The following PRKAA1 variants were observed in gnomAD, a reference collection of about 807,000 sequenced individuals.
PRKAA1 encodes 5'-AMP-activated protein kinase catalytic subunit alpha-1.
Under a neutral mutation model 56.9 loss-of-function variants are expected in PRKAA1, and 23 were observed. The ratio of observed to expected loss-of-function variants is 0.40; its 90% CI spans 0.29 to 0.57. The LOEUF (loss-of-function observed/expected upper bound fraction) is 0.57, where lower values mean the gene tolerates loss of function less well. Among genes scored for constraint, PRKAA1 ranks in the 20% least tolerant of loss-of-function variants. PRKAA1 has a pLI of 0.39. For missense variants in PRKAA1, 413 were observed against 679.7 expected, an observed-to-expected ratio of 0.61 and a Z score of 4.36; for synonymous variants, 226 against 227.0, an observed-to-expected ratio of 1.00 and a Z score of 0.04.
chr5:40,776,040 G>A (rs947970913), intron 2 of PRKAA1, among the ~76,000 whole-genome samples: 3 of 152,166 alleles, frequency 2.0e-5, no homozygotes, highest in African/African-American at 4.8e-5. Flanking sequence ...GCTATCGTAC[G>A]TTTTAAGCAG....
intron 5 of PRKAA1, among the ~76,000 whole-genome samples, chr5:40,768,161 C>T (rs534338994): frequency 2.0e-5 from 3 of 152,276 alleles, no homozygotes; most frequent in South Asian, 4.1e-4. Context: ...TTTTAAATCC[C>T]GTTTGCAGTG....
intron 1 of PRKAA1, among the ~76,000 whole-genome samples, chr5:40,786,050 T>C (rs1744469168): frequency 6.6e-6 from 1 of 151,798 alleles, no homozygotes; most frequent in Non-Finnish European, 1.5e-5. Flanking sequence ...AGGTCAGGAG[T>C]TCGAGACCAG....
chr5:40,770,634 C>G (rs1441715859), intron 4 of PRKAA1, among the ~76,000 whole-genome samples: 3 of 144,936 alleles, frequency 2.1e-5, no homozygotes, highest in Non-Finnish European at 4.5e-5. Context: ...TGTCTCACTC[C>G]GTCGCCCAGG....
intron 1 of PRKAA1, among the ~76,000 whole-genome samples, chr5:40,787,359 C>T (rs571640390): frequency 1.5e-3 from 231 of 151,526 alleles, no homozygotes; most frequent in South Asian, 3.6e-3. Context: ...CAGCTACTCA[C>T]GAGGCTGAGG....
chr5:40,785,300 C>G (rs879527699), intron 1 of PRKAA1, among the ~76,000 whole-genome samples: 1 of 151,978 alleles, frequency 6.6e-6, no homozygotes, highest in African/African-American at 2.4e-5. Flanking sequence ...AGTGCAATGG[C>G]ATGATCTCAG....
At chr5:40,790,610 G>T (rs1427065320) in intron 1 of PRKAA1, among the ~76,000 whole-genome samples, 2 of 151,292 alleles carry the variant, frequency 1.3e-5, no homozygotes, top group Non-Finnish European at 2.9e-5. Flanking sequence ...CACAATCTCG[G>T]CTCACTGCAA....
intron 1 of PRKAA1, among the ~76,000 whole-genome samples, chr5:40,787,360 G>A (rs540359337): frequency 1.3e-4 from 20 of 152,004 alleles, no homozygotes; most frequent in East Asian, 7.8e-4. Flanking sequence ...AGCTACTCAC[G>A]AGGCTGAGGC....
At position 40,793,872 on chromosome 5, in the gene PRKAA1, G is replaced by A. The variant is rs536318629; in HGVS notation, c.127+4191C>T. ...TCCCAGCACTTTGGGAGGCCGAGGCGGGTGGGATCACCTGAGGTCAGGAGT... is the reference window on the plus strand; with the variant it reads ...TCCCAGCACTTTGGGAGGCCGAGGCAGGTGGGATCACCTGAGGTCAGGAGT... On this transcript the variant is annotated intron_variant, in intron 1 of 8. Coordinates refer to ENST00000397128, the MANE Select transcript of PRKAA1 (RefSeq NM_006251.6). Among the ~76,000 whole-genome samples the A allele has an allele frequency of 2.6e-5, 4 of 152,204 alleles. No individual in the cohort carries two copies. The East Asian group carries it at 5.8e-4, about 22-fold the overall frequency.
Position 40,769,427 on chromosome 5 carries a change from T to G in PRKAA1, c.585A>C (p.Val195=), listed in dbSNP as rs368653327. The G allele has an allele frequency of 6.2e-7, 1 of 1,606,384 alleles. No individual in the cohort carries two copies. The highest frequency in any genetic ancestry group is 8.5e-7 in the Non-Finnish European group (1 of 1,174,872). The change falls in exon 5 of 9, where the codon GTA becomes GTC. Residue 195 remains valine, a synonymous_variant. Transcript: ENST00000397128. The part of the protein sequence containing the change: ...CGSPNYAAPE[V]ISGRLYAGPE... ...GTATCAAATACTACCTTCCTGAAAT[T>G]ACTTCTGGTGCAGCATAGTTGGGTG... is the stretch of plus-strand genomic sequence containing the variant.
chr5:40,765,233 T>C lies in PRKAA1; in HGVS notation c.827A>G (p.His276Arg), dbSNP rs774304395. ...KRATIKDIREHEWFKQDLPKY... is the reference protein window; with the variant it reads ...KRATIKDIREREWFKQDLPKY... The stretch of plus-strand genomic sequence containing the variant: ...TGGAAGGTCCTGTTTAAACCATTCA[T>C]GTTCCCTGAGAGAAAAATGGCAGGA... The change falls in exon 7 of 9, where the codon CAT becomes CGT. Residue 276 changes from histidine (H) to arginine (R), a missense_variant. Physicochemically the swap from His to Arg is conservative, Grantham distance 29. Coordinates refer to ENST00000397128, the MANE Select transcript of PRKAA1 (RefSeq NM_006251.6). The C allele has an allele frequency of 6.2e-7, 1 of 1,605,294 alleles. No individual in the cohort carries two copies. Among genetic ancestry groups the C allele is most frequent in the Non-Finnish European group, 8.5e-7 (1 of 1,175,310 alleles).
At chr5:40,774,658 A>T (rs1743911996) in intron 3 of PRKAA1, among the ~76,000 whole-genome samples, 2 of 151,858 alleles carry the variant, frequency 1.3e-5, no homozygotes, top group South Asian at 4.2e-4. Context: ...AACTTGGTTA[A>T]TAAGTTTGAT....
chr5:40,776,098 G>A (rs115289063), intron 2 of PRKAA1, among the ~76,000 whole-genome samples: 235 of 152,306 alleles, frequency 1.5e-3, no homozygotes, highest in African/African-American at 5.5e-3. Flanking sequence ...GCAATGTGAA[G>A]AATTAACTGT....
At chr5:40,786,590 A>T (rs1011249854) in intron 1 of PRKAA1, among the ~76,000 whole-genome samples, 1 of 151,752 alleles carries the variant, frequency 6.6e-6, no homozygotes, top group Non-Finnish European at 1.5e-5. Context: ...AAAGATTAGT[A>T]ATTAGAAGAC....
intron 1 of PRKAA1, among the ~76,000 whole-genome samples, chr5:40,796,433 G>A (rs767033545): frequency 1.3e-5 from 2 of 152,060 alleles, no homozygotes; most frequent in Non-Finnish European, 2.9e-5. Context: ...GGAAGGGATG[G>A]GGGCAAAAAT....
At chr5:40,796,317 C>T (rs1027610097) in intron 1 of PRKAA1, among the ~76,000 whole-genome samples, 1 of 150,774 alleles carries the variant, frequency 6.6e-6, no homozygotes, top group African/African-American at 2.4e-5. Context: ...GACCCCATCT[C>T]GGGAAAAGAA....
At chr5:40,763,086 TA>T in intron 8 of PRKAA1, 64 bp from the exon 9 acceptor site, 1 of 1,559,292 alleles carries the variant, frequency 6.4e-7, no homozygotes, top group African/African-American at 1.4e-5. Context: ...TTTGTAACAG[TA>T]TTGAATTTGC....
chr5:40,795,297 C>T (rs1200135810), intron 1 of PRKAA1, among the ~76,000 whole-genome samples: 2 of 152,042 alleles, frequency 1.3e-5, no homozygotes, highest in Admixed American at 6.6e-5. Context: ...ATGTATACTG[C>T]TCAGGTGATG....
intron 1 of PRKAA1, among the ~76,000 whole-genome samples, chr5:40,787,035 C>T (rs902876071): frequency 6.6e-6 from 1 of 151,270 alleles, no homozygotes; most frequent in Non-Finnish European, 1.5e-5. Context: ...TAATGAGTGA[C>T]AGGAAAACAT....
intron 3 of PRKAA1, among the ~76,000 whole-genome samples, chr5:40,773,281 A>G (rs769603917): frequency 3.7e-4 from 57 of 152,104 alleles, no homozygotes; most frequent in African/African-American, 1.3e-3. Context: ...GTTCATGGGG[A>G]AAAAAAAGAG....
Sources: gnomAD v4.1 joint callset for allele counts (sites outside exome capture counted in the v4.1 genomes callset) on GRCh38, gnomAD v4.1.1 for gene constraint, MANE v1.5 for transcripts, NCBI Gene and HGNC (gene_info 2026-07-23, HGNC 2026-07-21) for gene names.